PSMD1: variants seen among roughly 807,000 people sequenced by gnomAD.
PSMD1 encodes proteasome 26S subunit, non-ATPase 1, also known as 26S proteasome non-ATPase regulatory subunit 1.
Under a neutral mutation model 119.0 loss-of-function variants are expected in PSMD1, and 18 were observed. The ratio of observed to expected loss-of-function variants is 0.15; its 90% CI spans 0.10 to 0.22. The LOEUF (loss-of-function observed/expected upper bound fraction) is 0.22. PSMD1 is among the 10% of genes least tolerant of loss of function. The probability of loss-of-function intolerance (pLI) is 1.00; values close to 1 mark genes in which losing one functional copy is unlikely to be tolerated. For missense variants in PSMD1, 702 were observed against 1,158.5 expected, an observed-to-expected ratio of 0.61 and a Z score of 5.72; for synonymous variants, 374 against 396.6, an observed-to-expected ratio of 0.94 and a Z score of 0.68.
At chr2:231,060,720 T>C (rs1394234522) in intron 1 of PSMD1, among the ~76,000 whole-genome samples, 2 of 152,258 alleles carry the variant, frequency 1.3e-5, no homozygotes, top group Non-Finnish European at 2.9e-5. Context: ...GGTGCCATAA[T>C]ATACACACCT....
At chr2:231,111,443 C>T (rs1695152839) in intron 16 of PSMD1, among the ~76,000 whole-genome samples, 1 of 152,180 alleles carries the variant, frequency 6.6e-6, no homozygotes, top group Non-Finnish European at 1.5e-5. Flanking sequence ...ACACTACTTT[C>T]CTATCCAGCT....
At chr2:231,065,297 TTTTG>T (rs1559216492) in intron 4 of PSMD1, among the ~76,000 whole-genome samples, 1 of 151,368 alleles carries the variant, frequency 6.6e-6, no homozygotes, top group East Asian at 1.9e-4. Context: ...TTTTTTGTTT[TTTTG>T]TTTTTTGTTT....
intron 4 of PSMD1, among the ~76,000 whole-genome samples, chr2:231,064,258 G>T (rs2125153170): frequency 6.6e-6 from 1 of 152,310 alleles, no homozygotes; most frequent in African/African-American, 2.4e-5. Context: ...ATACAAAACA[G>T]AATTTGGGTA....
chr2:231,155,186 G>A (rs1696457485), intron 19 of PSMD1, among the ~76,000 whole-genome samples: 1 of 152,190 alleles, frequency 6.6e-6, no homozygotes, highest in South Asian at 2.1e-4. Flanking sequence ...TTTGAAAGGT[G>A]AGGAATAACA....
At position 231,086,150 on chromosome 2, in the gene PSMD1, C is replaced by G. The variant is rs367974297; in HGVS notation, c.1819-967C>G. 3.3e-4 allele frequency among the ~76,000 whole-genome samples: 50 copies of G among 152,170 alleles called. 1 individual carries two copies. In the South Asian group the frequency reaches 3.7e-3, roughly 11 times the overall value. On this transcript the variant is annotated intron_variant, in intron 15 of 24. Coordinates refer to ENST00000308696, the MANE Select transcript of PSMD1 (RefSeq NM_002807.4). ...CAAACTACTGGGCTCAAGTGATCCT[C>G]CTCCTACCTCAGCTTCCCATGTAGC...
intron 16 of PSMD1, among the ~76,000 whole-genome samples, chr2:231,087,590 G>A (rs984722839): frequency 3.3e-5 from 5 of 152,188 alleles, no homozygotes; most frequent in Non-Finnish European, 7.3e-5. Flanking sequence ...TTAAATGCCA[G>A]AGTGAAAATT....
rs577589174 is a variant in PSMD1, at chr2:231,086,950, G to T, written c.1819-167G>T. Among the ~76,000 whole-genome samples the T allele has an allele frequency of 6.6e-5, 10 of 152,180 alleles. No homozygotes were observed. The South Asian group carries it at 2.1e-3, about 32-fold the overall frequency. ...ATAAAAATACATGTGTCTATTTTTT[G>T]AATGTATTCATTTATTGTATATGTT... On this transcript the variant is annotated intron_variant, in intron 15 of 24. Transcript: ENST00000308696.
At chr2:231,153,720 T>C in intron 19 of PSMD1, 54 bp downstream of exon 19, 1 of 1,217,360 alleles carries the variant, frequency 8.2e-7, no homozygotes, top group South Asian at 1.3e-5. Context: ...TCTAATAAAA[T>C]AACTATCTGC....
chr2:231,130,012 C>T (rs990587449), intron 16 of PSMD1, among the ~76,000 whole-genome samples: 2 of 152,122 alleles, frequency 1.3e-5, no homozygotes, highest in African/African-American at 4.8e-5. Flanking sequence ...CACCAGCACG[C>T]CCAGCTAATT....
chr2:231,072,097 T>A, intron 6 of PSMD1, 92 bp from the exon 7 acceptor site: 1 of 1,067,868 alleles, frequency 9.4e-7, no homozygotes. Flanking sequence ...GCTTATATTT[T>A]AAGGTTTTCT....
At chr2:231,090,182 G>T (rs1694555035) in intron 16 of PSMD1, among the ~76,000 whole-genome samples, 1 of 152,236 alleles carries the variant, frequency 6.6e-6, no homozygotes, top group Non-Finnish European at 1.5e-5. Flanking sequence ...TAACCATTCT[G>T]CAGCCTGTGG....
Position 231,153,550 on chromosome 2 carries a change from T to A in PSMD1, c.2116-14T>A. ...AGTAGACTTAGACTATAATTCTTTC[T>A]CTTGCTCCTTCAGGTGAATCAGTTC... On this transcript the variant is annotated splice_polypyrimidine_tract_variant and intron_variant, in intron 18 of 24. Transcript: ENST00000308696. The A allele has an allele frequency of 6.4e-7, 1 of 1,563,726 alleles. No individual in the cohort carries two copies. Among genetic ancestry groups the A allele is most frequent in the Non-Finnish European group, 8.8e-7 (1 of 1,136,468 alleles).
chr2:231,065,834 TC>T (rs1276353482), intron 4 of PSMD1, among the ~76,000 whole-genome samples: 1 of 152,214 alleles, frequency 6.6e-6, no homozygotes, highest in Non-Finnish European at 1.5e-5. Flanking sequence ...GCATGAATTT[TC>T]AGACACCTTC....
chr2:231,111,568 G>A (rs1251279855), intron 16 of PSMD1, among the ~76,000 whole-genome samples: 1 of 152,206 alleles, frequency 6.6e-6, no homozygotes, highest in Admixed American at 6.5e-5. Flanking sequence ...TCCAAAAGAA[G>A]AGAGTGAGCT....
intron 1 of PSMD1, among the ~76,000 whole-genome samples, chr2:231,060,757 T>G (rs920857780): frequency 6.6e-6 from 1 of 152,262 alleles, no homozygotes; most frequent in Non-Finnish European, 1.5e-5. Flanking sequence ...TTTTACCTTG[T>G]TGATTTGATG....
chr2:231,078,542 C>A, intron 9 of PSMD1, 117 bp from the exon 10 acceptor site: 1 of 538,638 alleles, frequency 1.9e-6, no homozygotes, highest in Non-Finnish European at 3.1e-6. Context: ...TATTTTAAAT[C>A]TCAGTTCAGT....
At chr2:231,087,973 AAAG>A (rs1444825235) in intron 16 of PSMD1, among the ~76,000 whole-genome samples, 1 of 152,002 alleles carries the variant, frequency 6.6e-6, no homozygotes, top group Non-Finnish European at 1.5e-5. Context: ...AAAAAAAAAA[AAAG>A]AAGTCACACT....
At position 231,098,402 on chromosome 2, in the gene PSMD1, T is replaced by C. The variant is rs115001649; in HGVS notation, c.1883+11221T>C. ...TCTCTCTCTCTTTGAGTTTCTGTTCTCTCTCTTTCTCTGTCTCTGACTCCC... is the reference window on the plus strand; with the variant it reads ...TCTCTCTCTCTTTGAGTTTCTGTTCCCTCTCTTTCTCTGTCTCTGACTCCC... On this transcript the variant is annotated intron_variant, in intron 16 of 24. Transcript: ENST00000308696. 4.7e-3 allele frequency among the ~76,000 whole-genome samples: 716 copies of C among 152,242 alleles called. 6 individuals are homozygous for C. The highest frequency in any genetic ancestry group is 0.017 in the African/African-American group (694 of 41,520).
chr2:231,082,301 A>T (rs1369716935), intron 12 of PSMD1, among the ~76,000 whole-genome samples: 1 of 152,134 alleles, frequency 6.6e-6, no homozygotes, highest in Non-Finnish European at 1.5e-5. Flanking sequence ...TCTGGGCTCA[A>T]GTGATCTTCC....
Sources: gnomAD v4.1 joint callset for allele counts (sites outside exome capture counted in the v4.1 genomes callset) on GRCh38, gnomAD v4.1.1 for gene constraint, MANE v1.5 for transcripts, NCBI Gene and HGNC (gene_info 2026-07-23, HGNC 2026-07-21) for gene names.